Variants in DSCAM observed in about 807,000 individuals in gnomAD.
DSCAM encodes the protein DS cell adhesion molecule.
Under a neutral mutation model 217.7 loss-of-function variants are expected in DSCAM, and 47 were observed. The observed-to-expected ratio is 0.22, with a 90% CI of 0.17 to 0.28. The LOEUF (loss-of-function observed/expected upper bound fraction) is 0.28. Among genes scored for constraint, DSCAM ranks in the 10% least tolerant of loss-of-function variants. The pLI is 1.00. For missense variants in DSCAM, 2,080 were observed against 2,618.3 expected, an observed-to-expected ratio of 0.79 and a Z score of 4.49; for synonymous variants, 1,056 against 1,015.3, an observed-to-expected ratio of 1.04 and a Z score of -0.76.
At chr21:40,330,229 G>A (rs1031785955) in intron 8 of DSCAM, among the ~76,000 whole-genome samples, 1 of 147,096 alleles carries the variant, frequency 6.8e-6, no homozygotes, top group Non-Finnish European at 1.5e-5. Flanking sequence ...TGTAATATAT[G>A]CAATACATAA....
At chr21:40,677,352 T>G (rs559125138) in intron 3 of DSCAM, among the ~76,000 whole-genome samples, 4 of 151,888 alleles carry the variant, frequency 2.6e-5, no homozygotes, top group African/African-American at 9.7e-5. Flanking sequence ...ATATCAGGCA[T>G]TTTAATGGAG....
At chr21:40,681,986 T>C (rs910436616) in intron 3 of DSCAM, among the ~76,000 whole-genome samples, 3 of 152,152 alleles carry the variant, frequency 2.0e-5, no homozygotes, top group African/African-American at 7.2e-5. Flanking sequence ...AGCACAGCCC[T>C]GCTGACGCTG....
chr21:40,147,111 C>G (rs551420464), intron 16 of DSCAM, among the ~76,000 whole-genome samples: 1 of 152,248 alleles, frequency 6.6e-6, no homozygotes, highest in East Asian at 1.9e-4. Flanking sequence ...TCTAATTGTT[C>G]AACTGGCTCC....
intron 3 of DSCAM, among the ~76,000 whole-genome samples, chr21:40,657,531 C>G (rs1033382887): frequency 5.3e-5 from 8 of 152,136 alleles, no homozygotes; most frequent in African/African-American, 1.9e-4. Context: ...GCTTTATTTT[C>G]AGCTGAGAAC....
At chr21:40,673,347 A>T (rs899687475) in intron 3 of DSCAM, among the ~76,000 whole-genome samples, 1 of 152,208 alleles carries the variant, frequency 6.6e-6, no homozygotes, top group Non-Finnish European at 1.5e-5. Flanking sequence ...GTATCTACAT[A>T]TTAGACTTTA....
At chr21:40,549,070 T>C (rs1445393991) in intron 3 of DSCAM, among the ~76,000 whole-genome samples, 1 of 152,064 alleles carries the variant, frequency 6.6e-6, no homozygotes, top group Non-Finnish European at 1.5e-5. Context: ...CTGGGTGTGG[T>C]GGTGTGCGCC....
intron 27 of DSCAM, among the ~76,000 whole-genome samples, chr21:40,068,284 C>T (rs901561619): frequency 3.3e-5 from 5 of 151,820 alleles, no homozygotes; most frequent in Admixed American, 1.3e-4. Flanking sequence ...ATTTGGGTGG[C>T]GAGTGGAAGG....
At chr21:40,363,529 A>C (rs1319790748) in intron 4 of DSCAM, among the ~76,000 whole-genome samples, 3 of 152,156 alleles carry the variant, frequency 2.0e-5, no homozygotes. Context: ...CTGAGATTAC[A>C]GGTGTGAGCC....
intron 3 of DSCAM, among the ~76,000 whole-genome samples, chr21:40,584,463 G>C (rs907495926): frequency 1.3e-5 from 2 of 152,196 alleles, no homozygotes; most frequent in African/African-American, 4.8e-5. Context: ...TGAGGTGCTA[G>C]AAAAAGCATA....
intron 3 of DSCAM, among the ~76,000 whole-genome samples, chr21:40,692,013 G>A (rs145849092): frequency 2.0e-4 from 31 of 152,368 alleles, no homozygotes; most frequent in African/African-American, 6.5e-4. Flanking sequence ...CCGCATGTGA[G>A]GGCATACAGA....
chr21:40,025,760 C>G (rs2088367467), intron 32 of DSCAM, among the ~76,000 whole-genome samples: 1 of 150,454 alleles, frequency 6.6e-6, no homozygotes, highest in African/African-American at 2.5e-5. Context: ...ATTCTTCTCT[C>G]TTTTTCTCTT....
At chr21:40,313,398 G>A (rs1433968277) in intron 8 of DSCAM, among the ~76,000 whole-genome samples, 1 of 152,182 alleles carries the variant, frequency 6.6e-6, no homozygotes, top group Non-Finnish European at 1.5e-5. Context: ...ACTCAGCCTG[G>A]AAAGCTCTTT....
At chr21:40,339,462 AAAC>A in intron 6 of DSCAM, 47 bp from the exon 7 acceptor site, 1 of 1,500,966 alleles carries the variant, frequency 6.7e-7, no homozygotes, top group East Asian at 2.4e-5. Context: ...ACAAATAATT[AAAC>A]AACTTCCAAG....
chr21:40,037,091 C>A (rs1426787917), intron 32 of DSCAM, among the ~76,000 whole-genome samples: 2 of 149,868 alleles, frequency 1.3e-5, no homozygotes, highest in Non-Finnish European at 2.9e-5. Flanking sequence ...GAAGCATTCC[C>A]TTGAAAACTG....
intron 14 of DSCAM, among the ~76,000 whole-genome samples, chr21:40,183,306 A>G (rs1249985939): frequency 6.6e-6 from 1 of 152,170 alleles, no homozygotes; most frequent in East Asian, 1.9e-4. Context: ...CTTGTAGGGG[A>G]GAAGCAGTAG....
intron 3 of DSCAM, among the ~76,000 whole-genome samples, chr21:40,604,252 A>G (rs1287537914): frequency 6.6e-6 from 1 of 152,138 alleles, no homozygotes; most frequent in East Asian, 1.9e-4. Flanking sequence ...TATTTCTGCT[A>G]CATTGCTTTT....
chr21:40,332,730 G>C (rs1304985703), intron 8 of DSCAM, among the ~76,000 whole-genome samples: 2 of 152,084 alleles, frequency 1.3e-5, no homozygotes, highest in Non-Finnish European at 2.9e-5. Flanking sequence ...TGCACTTCTG[G>C]ATAGTTACAT....
At chr21:40,319,599 C>T (rs920859130) in intron 8 of DSCAM, among the ~76,000 whole-genome samples, 2 of 152,184 alleles carry the variant, frequency 1.3e-5, no homozygotes, top group African/African-American at 2.4e-5. Flanking sequence ...TCTGGATATA[C>T]ACCCAGTAGT....
chr21:40,593,880 C>T (rs1328954182), intron 3 of DSCAM, among the ~76,000 whole-genome samples: 1 of 152,200 alleles, frequency 6.6e-6, no homozygotes, highest in Non-Finnish European at 1.5e-5. Context: ...CATTTGCTAC[C>T]TATCTACAGA....
Sources: allele counts gnomAD v4.1 joint callset (sites outside exome capture counted in the v4.1 genomes callset), GRCh38; gene constraint gnomAD v4.1.1; transcripts MANE v1.5; gene names NCBI Gene and HGNC (gene_info 2026-07-23, HGNC 2026-07-21).